Variants in KIF18A observed in about 807,000 individuals in gnomAD.
KIF18A encodes the protein kinesin-like protein KIF18A.
A neutral mutation model predicts 103.3 loss-of-function variants in KIF18A; 67 were observed. The ratio of observed to expected loss-of-function variants is 0.65; its 90% CI spans 0.53 to 0.79. The LOEUF is 0.79. KIF18A is among the 30% of genes least tolerant of loss of function. KIF18A has a pLI of 0.00. For synonymous variants in KIF18A, 367 were observed against 355.5 expected (o/e 1.03, Z -0.36); for missense variants, 1,032 against 1,062.5 (o/e 0.97, Z 0.40).
chr11:28,065,080 T>G (rs991030905), intron 11 of KIF18A, among the ~76,000 whole-genome samples: 1 of 151,988 alleles, frequency 6.6e-6, no homozygotes, highest in Non-Finnish European at 1.5e-5. Context: ...TAATGGGGCA[T>G]AGGAGTCTGC....
chr11:28,099,464 T>C (rs1200655919), intron 1 of KIF18A, among the ~76,000 whole-genome samples: 1 of 152,126 alleles, frequency 6.6e-6, no homozygotes, highest in African/African-American at 2.4e-5. Flanking sequence ...TTAAATGTTC[T>C]CACAACAAAA....
intron 13 of KIF18A, among the ~76,000 whole-genome samples, chr11:28,057,605 A>G (rs1296393935): frequency 6.6e-6 from 1 of 152,132 alleles, no homozygotes. Context: ...AAGATGAAAC[A>G]GTTACTCTCA....
intron 1 of KIF18A, among the ~76,000 whole-genome samples, chr11:28,105,240 T>A (rs1851489666): frequency 6.6e-6 from 1 of 152,086 alleles, no homozygotes. Flanking sequence ...TACAGAGAAA[T>A]TAACTGGCTA....
chr11:28,040,123 TAC>T (rs1207462047), intron 13 of KIF18A, among the ~76,000 whole-genome samples: 1 of 151,804 alleles, frequency 6.6e-6, no homozygotes, highest in Non-Finnish European at 1.5e-5. Context: ...AACTAAATTT[TAC>T]TCTGAATACA....
At chr11:28,039,675 G>A (rs1025412043) in intron 13 of KIF18A, among the ~76,000 whole-genome samples, 7 of 151,648 alleles carry the variant, frequency 4.6e-5, no homozygotes, top group Non-Finnish European at 8.9e-5. Flanking sequence ...ATCAAATTTA[G>A]TATGATCAGA....
chr11:28,063,810 A>G (rs1850884380), intron 11 of KIF18A, among the ~76,000 whole-genome samples: 1 of 151,994 alleles, frequency 6.6e-6, no homozygotes, highest in African/African-American at 2.4e-5. Flanking sequence ...AATCCATCTT[A>G]GCTTTAGCGA....
rs750232861 is a variant in KIF18A, at chr11:28,023,785, T to C, written c.2570A>G (p.Asp857Gly). Residue 857 changes from aspartate to glycine, a missense_variant, in exon 16 of 17, where the codon GAT (aspartate) becomes GGT (glycine). By Grantham distance (94) the Asp-to-Gly change is moderately conservative. Transcript: ENST00000263181. ...TTGTAAGTGCTTCTCACTTGAATTA[T>C]CTTGTCGAACACGTTTGGCAAATCC... ...NSGFAKRVRQDNSSEKHLQEN... is the reference protein window; with the variant it reads ...NSGFAKRVRQGNSSEKHLQEN... The C allele has an allele frequency of 6.2e-7, 1 of 1,613,274 alleles. No homozygotes were observed. The highest frequency in any genetic ancestry group is 1.3e-5 in the African/African-American group (1 of 75,050).
chr11:28,071,066 C>T (rs150325492), intron 10 of KIF18A, among the ~76,000 whole-genome samples: 21 of 152,184 alleles, frequency 1.4e-4, no homozygotes, highest in Admixed American at 1.4e-3. Context: ...GAGACCCTGA[C>T]AGCAAAAACT....
intron 13 of KIF18A, among the ~76,000 whole-genome samples, chr11:28,037,966 C>T (rs1384992169): frequency 1.3e-5 from 2 of 151,462 alleles, no homozygotes; most frequent in Admixed American, 6.6e-5. Context: ...ATCCTCTTAC[C>T]ATTACCTTCT....
chr11:28,091,469 T>G lies in KIF18A; in HGVS notation c.528A>C (p.Pro176=). The G allele has an allele frequency of 1.2e-6, 2 of 1,611,908 alleles. No individual in the cohort carries two copies. Among genetic ancestry groups the G allele is most frequent in the Admixed American group, 1.7e-5 (1 of 59,970 alleles). The change falls in exon 4 of 17, where the codon CCA becomes CCC. Residue 176 remains proline (P), a synonymous_variant. Coordinates refer to ENST00000263181, the MANE Select transcript of KIF18A (RefSeq NM_031217.4). ...QIRDLLVNSG[P]LAVREDTQKG... ...TTTGGGTATCTTCCCGGACAGCAAGTGGCCCTGAATTTACTAAGAGATCAC... is the reference window on the plus strand; with the variant it reads ...TTTGGGTATCTTCCCGGACAGCAAGGGGCCCTGAATTTACTAAGAGATCAC...
At position 28,088,538 on chromosome 11, in the gene KIF18A, A is replaced by T; in HGVS notation, c.883T>A (p.Leu295Ile). The T allele has an allele frequency of 6.2e-7, 1 of 1,613,560 alleles. No homozygotes were observed. Among genetic ancestry groups the T allele is most frequent in the Non-Finnish European group, 8.5e-7 (1 of 1,179,492 alleles). Residue 295 changes from leucine (L) to isoleucine (I), a missense_variant, in exon 6 of 17, where the codon TTA (leucine) becomes ATA (isoleucine). Transcript: ENST00000263181. ...ATAATGCCTACCTTTGAATCTGCTAAGGCATTGATGACATTCCCAAGAGCT... is the reference window on the plus strand; with the variant it reads ...ATAATGCCTACCTTTGAATCTGCTATGGCATTGATGACATTCCCAAGAGCT... ...LLALGNVINA[L>I]ADSKRKNQHI... is the part of the protein sequence containing the mutation.
At chr11:28,086,126 ATCT>A (rs1363623053) in intron 6 of KIF18A, among the ~76,000 whole-genome samples, 1 of 152,180 alleles carries the variant, frequency 6.6e-6, no homozygotes, top group Admixed American at 6.5e-5. Flanking sequence ...AATCTGTATC[ATCT>A]TAGTAACTTT....
chr11:28,107,667 C>G (rs1851549379), intron 1 of KIF18A, among the ~76,000 whole-genome samples: 2 of 152,138 alleles, frequency 1.3e-5, no homozygotes, highest in Non-Finnish European at 2.9e-5. Flanking sequence ...AGGTAAGCCC[C>G]TGGGTACGCT....
At chr11:28,057,394 A>G (rs1850794982) in intron 13 of KIF18A, among the ~76,000 whole-genome samples, 1 of 152,162 alleles carries the variant, frequency 6.6e-6, no homozygotes. Context: ...GGGCACCTGT[A>G]GTCCCAGCTT....
At chr11:28,024,769 G>A (rs72874500) in intron 15 of KIF18A, among the ~76,000 whole-genome samples, 1 of 151,808 alleles carries the variant, frequency 6.6e-6, no homozygotes. Flanking sequence ...GATTGGGGGG[G>A]GTTGGGTGGA....
At chr11:28,085,208 A>G (rs998922296) in intron 6 of KIF18A, among the ~76,000 whole-genome samples, 1 of 152,160 alleles carries the variant, frequency 6.6e-6, no homozygotes, top group Non-Finnish European at 1.5e-5. Context: ...TCCTTGGTCA[A>G]GTGGTAATGC....
intron 13 of KIF18A, among the ~76,000 whole-genome samples, chr11:28,042,307 GATGTTAAAAAC>G (rs1850570677): frequency 6.6e-6 from 1 of 151,836 alleles, no homozygotes; most frequent in African/African-American, 2.4e-5. Flanking sequence ...TTGGTAGAAT[GATGTTAAAAAC>G]AGCATCTCTT....
chr11:28,094,302 A>T (rs951084154), intron 3 of KIF18A, among the ~76,000 whole-genome samples: 1 of 152,156 alleles, frequency 6.6e-6, no homozygotes, highest in African/African-American at 2.4e-5. Context: ...AGTTATTTTT[A>T]AAAAGTCCTG....
At chr11:28,101,142 C>T (rs1290888751) in intron 1 of KIF18A, among the ~76,000 whole-genome samples, 1 of 152,046 alleles carries the variant, frequency 6.6e-6, no homozygotes, top group East Asian at 1.9e-4. Context: ...TTGCTTAGAA[C>T]TGCCCTGTTA....
Sources: gnomAD v4.1 joint callset for allele counts (sites outside exome capture counted in the v4.1 genomes callset) on GRCh38, gnomAD v4.1.1 for gene constraint, MANE v1.5 for transcripts, NCBI Gene and HGNC (gene_info 2026-07-23, HGNC 2026-07-21) for gene names.